AIG1: variants seen among roughly 807,000 people sequenced by gnomAD.
AIG1 encodes androgen-induced gene 1 protein.
A neutral mutation model predicts 31.4 loss-of-function variants in AIG1; 23 were observed. The ratio of observed to expected loss-of-function variants is 0.73; its 90% CI spans 0.53 to 1.04. The LOEUF (loss-of-function observed/expected upper bound fraction) is 1.04, where lower values mean the gene tolerates loss of function less well. Among genes scored for constraint, AIG1 ranks in the 50% least tolerant of loss-of-function variants. AIG1 has a pLI of 0.00. For missense variants in AIG1, 274 were observed against 295.0 expected (o/e 0.93, Z 0.52); for synonymous variants, 100 against 110.5 (o/e 0.90, Z 0.60).
At chr6:143,148,271 C>T (rs764739893) in intron 2 of AIG1, among the ~76,000 whole-genome samples, 1 of 144,260 alleles carries the variant, frequency 6.9e-6, no homozygotes, top group Non-Finnish European at 1.5e-5. Context: ...GAGGCCGAGG[C>T]AGGCAGATCA....
chr6:143,272,369 CT>C (rs1796585997), intron 3 of AIG1, among the ~76,000 whole-genome samples: 1 of 152,190 alleles, frequency 6.6e-6, no homozygotes, highest in South Asian at 2.1e-4. Flanking sequence ...TCCAGAGCAG[CT>C]TTCTTCCAGG....
At chr6:143,108,030 G>C (rs2128488778) in intron 1 of AIG1, among the ~76,000 whole-genome samples, 2 of 152,254 alleles carry the variant, frequency 1.3e-5, no homozygotes, top group Admixed American at 1.3e-4. Flanking sequence ...TAAACGTTTA[G>C]ACCTGTCAAA....
chr6:143,162,607 T>C (rs1198227539), intron 2 of AIG1, among the ~76,000 whole-genome samples: 2 of 152,158 alleles, frequency 1.3e-5, no homozygotes, highest in Non-Finnish European at 2.9e-5. Flanking sequence ...TAGGTTATGT[T>C]ATATGGCAAA....
intron 4 of AIG1, among the ~76,000 whole-genome samples, chr6:143,296,005 C>T (rs1475609641): frequency 1.3e-5 from 2 of 152,020 alleles, no homozygotes; most frequent in Non-Finnish European, 2.9e-5. Context: ...AGAGAAATTG[C>T]AACAGTGGGT....
At position 143,253,288 on chromosome 6, in the gene AIG1, T is replaced by C. The variant is rs139843996; in HGVS notation, c.400-30822T>C. Reference sequence around the variant, plus strand: ...TTCTTGCTCAGTTGGAACTAAGAACTCAGTATGATTTTCTTTATACAAACA... The same window carrying C: ...TTCTTGCTCAGTTGGAACTAAGAACCCAGTATGATTTTCTTTATACAAACA... On this transcript the variant is annotated intron_variant, in intron 3 of 5. Coordinates refer to ENST00000357847, the MANE Select transcript of AIG1 (RefSeq NM_016108.4). Among the ~76,000 whole-genome samples the C allele has an allele frequency of 2.4e-3, 368 of 152,308 alleles. 1 individual carries two copies. The highest frequency in any genetic ancestry group is 8.3e-3 in the African/African-American group (344 of 41,586).
In AIG1 at chr6:143,293,490, G is replaced by A. The variant is rs1798199886; in HGVS notation, c.515+9265G>A. 6.6e-6 allele frequency among the ~76,000 whole-genome samples: 1 copy of A among 152,112 alleles called. No homozygotes were observed. The highest frequency in any genetic ancestry group is 2.4e-5 in the African/African-American group (1 of 41,410). On this transcript the variant is annotated intron_variant, in intron 4 of 5. Transcript: ENST00000357847. This position sits in a 1 kb window ranked among gnomAD's most constrained non-coding sequence, Gnocchi z 4.8. ...CATCTTCTAAGGAAAAGTCTATCTG[G>A]GCAGTTGAAAGCCTGACAACAGAGA...
At chr6:143,335,945 GA>G (rs11298199) in intron 5 of AIG1, among the ~76,000 whole-genome samples, 86,983 of 126,786 alleles carry the variant, frequency 0.69, 28,486 homozygotes, top group East Asian at 0.97. Flanking sequence ...GAAACTCTCA[GA>G]AAAAAAAAAA....
intron 1 of AIG1, among the ~76,000 whole-genome samples, chr6:143,111,281 T>A (rs371804393): frequency 7.9e-4 from 121 of 152,288 alleles, no homozygotes; most frequent in African/African-American, 2.8e-3. Flanking sequence ...TCAAAACTGT[T>A]TTCATCCTTA....
At chr6:143,257,478 A>G (rs985814243) in intron 3 of AIG1, among the ~76,000 whole-genome samples, 3 of 152,270 alleles carry the variant, frequency 2.0e-5, no homozygotes, top group Admixed American at 2.0e-4. Context: ...CAGTGGAAAT[A>G]CACAGTGAAT....
At chr6:143,186,638 T>A (rs1789284771) in intron 3 of AIG1, 1 of 152,282 alleles carries the variant, frequency 6.6e-6, no homozygotes, top group African/African-American at 2.4e-5. Context: ...TACTAATATG[T>A]CTTTTTTGCT....
intron 3 of AIG1, among the ~76,000 whole-genome samples, chr6:143,281,262 G>A (rs959975833): frequency 6.6e-6 from 1 of 152,218 alleles, no homozygotes; most frequent in Non-Finnish European, 1.5e-5. Flanking sequence ...CCCATCTGCA[G>A]AATGGAGTTA....
intron 3 of AIG1, among the ~76,000 whole-genome samples, chr6:143,226,256 T>TATATATATA (rs1792941312): frequency 6.6e-6 from 1 of 151,636 alleles, no homozygotes; most frequent in East Asian, 1.9e-4. Flanking sequence ...ATTTTTTTTT[T>TATATATATA]TTTGAGATGG....
chr6:143,222,271 A>G (rs1792579943), intron 3 of AIG1, among the ~76,000 whole-genome samples: 1 of 152,216 alleles, frequency 6.6e-6, no homozygotes, highest in South Asian at 2.1e-4. Flanking sequence ...AGGACCCTCC[A>G]GGACTCCCTT....
chr6:143,087,562 C>T (rs578030509), intron 1 of AIG1, among the ~76,000 whole-genome samples: 40 of 152,252 alleles, frequency 2.6e-4, no homozygotes, highest in African/African-American at 9.1e-4. Context: ...GGCGGGTCTG[C>T]GACGGCGGCA....
downstream of AIG1, chr6:143,342,511 A>C (rs772427250): frequency 4.5e-5 from 36 of 803,156 alleles, no homozygotes; most frequent in Admixed American, 1.4e-4. Context: ...ACAGTCTTTT[A>C]TCTTTCTCCC....
intron 1 of AIG1, among the ~76,000 whole-genome samples, chr6:143,112,197 T>G (rs958873990): frequency 6.6e-6 from 1 of 152,130 alleles, no homozygotes. Context: ...CTGCAGTTCC[T>G]TCCATCACTC....
rs35691634 is a variant in AIG1, at chr6:143,314,184, TAAAAAAAAAAAAA to T, written c.516-19084_516-19072del. Among the ~76,000 whole-genome samples the T allele has an allele frequency of 9.8e-3, 889 of 90,614 alleles. 4 individuals carry two copies. Among genetic ancestry groups the T allele is most frequent in the Admixed American group, 0.017 (115 of 6,642 alleles). The allele number at this position is 90,614 out of a possible 152,430, so 59.4% of individuals were successfully genotyped here. On this transcript the variant is annotated intron_variant, in intron 4 of 5. Coordinates refer to ENST00000357847, the MANE Select transcript of AIG1 (RefSeq NM_016108.4). ...GGCAACAAAGCTGGAACCCATCTCTTAAAAAAAAAAAAAAAAAAAAAAAAAAGTTAAAGTAGCT... is the reference window on the plus strand; with the variant it reads ...GGCAACAAAGCTGGAACCCATCTCTTAAAAAAAAAAAAAGTTAAAGTAGCT...
At position 143,241,950 on chromosome 6, in the gene AIG1, C is replaced by G. The variant is rs77165514; in HGVS notation, c.400-42160C>G. Among the ~76,000 whole-genome samples, 967 of 152,164 alleles carry G rather than the reference C, an allele frequency of 6.4e-3. 9 individuals carry two copies. Among genetic ancestry groups the G allele is most frequent in the African/African-American group, 0.022 (932 of 41,498 alleles). On this transcript the variant is annotated intron_variant, in intron 3 of 5. Transcript: ENST00000357847. ...TGAATTTCATGTTTAGATTTGGGTC[C>G]CATCGCCAAGATATTAGGTGTATGT...
At chr6:143,307,488 A>T (rs572344554) in intron 4 of AIG1, among the ~76,000 whole-genome samples, 1 of 152,154 alleles carries the variant, frequency 6.6e-6, no homozygotes, top group Non-Finnish European at 1.5e-5. Flanking sequence ...TGCCTGGGTA[A>T]CAGCAGCGGT....
Sources: gnomAD v4.1 joint callset for allele counts (sites outside exome capture counted in the v4.1 genomes callset) on GRCh38, gnomAD v4.1.1 for gene constraint, Gnocchi (gnomAD v3.1) non-coding constraint, MANE v1.5 for transcripts, NCBI Gene and HGNC (gene_info 2026-07-23, HGNC 2026-07-21) for gene names.